The following CREB5 variants were observed in gnomAD, a reference collection of about 807,000 sequenced individuals.
CREB5 encodes cyclic AMP-responsive element-binding protein 5.
CREB5 carries 19 observed loss-of-function variants against 57.1 expected under a neutral mutation model. The observed-to-expected ratio is 0.33, with a 90% CI of 0.23 to 0.49. The LOEUF is 0.49. Ranked by LOEUF, CREB5 falls within the 20% of genes least tolerant of loss-of-function variation. The probability of loss-of-function intolerance (pLI) is 0.99; values close to 1 mark genes in which losing one functional copy is unlikely to be tolerated. For synonymous variants in CREB5, 238 were observed against 238.3 expected (o/e 1.00, Z 0.01); for missense variants, 579 against 671.6 (o/e 0.86, Z 1.52).
At chr7:28,664,114 C>A (rs1799718456) in intron 5 of CREB5, among the ~76,000 whole-genome samples, 1 of 152,200 alleles carries the variant, frequency 6.6e-6, no homozygotes, top group Admixed American at 6.5e-5. Flanking sequence ...CAATTAGGAC[C>A]TGTACTTTCC....
intron 1 of CREB5, among the ~76,000 whole-genome samples, chr7:28,375,836 A>G (rs1224207524): frequency 6.6e-6 from 1 of 152,180 alleles, no homozygotes; most frequent in Non-Finnish European, 1.5e-5. Flanking sequence ...TTAATCTGTA[A>G]TAAGTGTTTC....
intron 5 of CREB5, among the ~76,000 whole-genome samples, chr7:28,662,392 GCTA>G (rs779406586): frequency 2.0e-5 from 3 of 152,218 alleles, no homozygotes; most frequent in Non-Finnish European, 2.9e-5. Context: ...TGTATTTCAA[GCTA>G]CTGAGAGGAG....
At chr7:28,420,095 T>A (rs1328990695) in intron 1 of CREB5, among the ~76,000 whole-genome samples, 1 of 47,652 alleles carries the variant, frequency 2.1e-5, no homozygotes, top group East Asian at 8.3e-4. Flanking sequence ...ATGGGCAAAG[T>A]ACAATTTTTT....
At chr7:28,355,414 A>AT (rs35685766) in intron 1 of CREB5, among the ~76,000 whole-genome samples, 1 of 152,080 alleles carries the variant, frequency 6.6e-6, no homozygotes, top group East Asian at 1.9e-4. Flanking sequence ...GAATCATGAA[A>AT]TTTTTTTATT....
intron 5 of CREB5, among the ~76,000 whole-genome samples, chr7:28,619,031 CG>C (rs1797695250): frequency 6.6e-6 from 1 of 152,136 alleles, no homozygotes; most frequent in Non-Finnish European, 1.5e-5. Context: ...TTGAGGAATT[CG>C]TTGGTTAAGA....
At chr7:28,359,528 C>T (rs572697972) in intron 1 of CREB5, among the ~76,000 whole-genome samples, 6 of 152,216 alleles carry the variant, frequency 3.9e-5, no homozygotes, top group South Asian at 2.1e-4. Flanking sequence ...TACAGAAGAA[C>T]GAAATTGAAC....
chr7:28,816,676 AT>A (rs1384141725), intron 9 of CREB5, among the ~76,000 whole-genome samples: 5 of 152,026 alleles, frequency 3.3e-5, no homozygotes, highest in African/African-American at 7.2e-5. Context: ...ACAGATTTCA[AT>A]TTTTTTTAGC....
intron 5 of CREB5, among the ~76,000 whole-genome samples, chr7:28,592,227 A>G (rs536471176): frequency 1.3e-5 from 2 of 152,186 alleles, no homozygotes; most frequent in Non-Finnish European, 2.9e-5. Context: ...CCATGTGAAC[A>G]TTTGAAACGC....
At chr7:28,531,922 G>A (rs1005230891) in intron 4 of CREB5, among the ~76,000 whole-genome samples, 6 of 152,138 alleles carry the variant, frequency 3.9e-5, no homozygotes, top group East Asian at 1.9e-4. Flanking sequence ...CCAGCTACTC[G>A]GGAGGCTGAG....
intron 5 of CREB5, among the ~76,000 whole-genome samples, chr7:28,581,752 A>T (rs991448492): frequency 1.3e-5 from 2 of 152,230 alleles, no homozygotes; most frequent in Non-Finnish European, 2.9e-5. Context: ...TCTGTCAAGC[A>T]TCGCAAAGCC....
At chr7:28,327,371 T>C (rs1349225782) in intron 1 of CREB5, among the ~76,000 whole-genome samples, 1 of 152,156 alleles carries the variant, frequency 6.6e-6, no homozygotes, top group Non-Finnish European at 1.5e-5. Flanking sequence ...ACCTGCCTCA[T>C]ACATTGTAGT....
chr7:28,515,093 T>C (rs774652792), intron 4 of CREB5, among the ~76,000 whole-genome samples: 4 of 152,204 alleles, frequency 2.6e-5, no homozygotes, highest in Non-Finnish European at 4.4e-5. Context: ...CATATTCATG[T>C]CCACATATGG....
chr7:28,510,852 C>T (rs1044980733), intron 4 of CREB5, among the ~76,000 whole-genome samples: 2 of 152,024 alleles, frequency 1.3e-5, no homozygotes, highest in East Asian at 1.9e-4. Context: ...AATTGTTTCC[C>T]CTTAGAAAAG....
intron 7 of CREB5, among the ~76,000 whole-genome samples, chr7:28,737,035 G>A (rs1804023553): frequency 6.6e-6 from 1 of 152,018 alleles, no homozygotes; most frequent in Non-Finnish European, 1.5e-5. Context: ...AGCAAATGCA[G>A]CTCAAATCTA....
chr7:28,299,769 A>G (rs929483978), intron 1 of CREB5, among the ~76,000 whole-genome samples: 1 of 152,196 alleles, frequency 6.6e-6, no homozygotes, highest in Non-Finnish European at 1.5e-5. Context: ...CATTTACCCT[A>G]TGTTAGATAG....
intron 1 of CREB5, among the ~76,000 whole-genome samples, chr7:28,474,488 G>A (rs1790976615): frequency 6.6e-6 from 1 of 152,168 alleles, no homozygotes; most frequent in Non-Finnish European, 1.5e-5. Context: ...CTGGCTGATT[G>A]GTGGTTTGCG....
intron 3 of CREB5, among the ~76,000 whole-genome samples, chr7:28,498,101 A>G (rs1490470536): frequency 2.0e-5 from 3 of 152,190 alleles, no homozygotes; most frequent in Non-Finnish European, 4.4e-5. Context: ...TAGAACTCAC[A>G]CTAAAGCCTT....
chr7:28,759,628 G>T (rs1805533741), intron 7 of CREB5, among the ~76,000 whole-genome samples: 1 of 152,176 alleles, frequency 6.6e-6, no homozygotes, highest in Non-Finnish European at 1.5e-5. Context: ...AGCATTGGTT[G>T]CCAGCATTTC....
intron 1 of CREB5, among the ~76,000 whole-genome samples, chr7:28,351,964 A>G (rs1317976447): frequency 6.6e-6 from 1 of 152,206 alleles, no homozygotes; most frequent in Non-Finnish European, 1.5e-5. Context: ...ACCACATGCA[A>G]CTAGTTTTAA....
Sources: gnomAD v4.1 joint callset for allele counts (sites outside exome capture counted in the v4.1 genomes callset) on GRCh38, gnomAD v4.1.1 for gene constraint, MANE v1.5 for transcripts, NCBI Gene and HGNC (gene_info 2026-07-23, HGNC 2026-07-21) for gene names.